PIP4K2A: variants seen among roughly 807,000 people sequenced by gnomAD.
PIP4K2A encodes phosphatidylinositol-5-phosphate 4-kinase type 2 alpha.
In PIP4K2A, 14 loss-of-function variants were observed where a neutral mutation model predicts 42.9. That is an observed-to-expected ratio of 0.33 (90% CI 0.22 to 0.51). PIP4K2A has a LOEUF of 0.51. Among genes scored for constraint, PIP4K2A ranks in the 20% least tolerant of loss-of-function variants. The probability of loss-of-function intolerance (pLI) is 0.97; values close to 1 mark genes in which losing one functional copy is unlikely to be tolerated. For synonymous variants in PIP4K2A, 192 were observed against 192.2 expected, an observed-to-expected ratio of 1.00 and a Z score of 0.01; for missense variants, 434 against 519.8, an observed-to-expected ratio of 0.83 and a Z score of 1.61.
At chr10:22,600,023 G>A (rs1837718932) in intron 3 of PIP4K2A, among the ~76,000 whole-genome samples, 1 of 152,156 alleles carries the variant, frequency 6.6e-6, no homozygotes, top group Non-Finnish European at 1.5e-5. Context: ...GCCCCCAGAA[G>A]GGGGAAGGAA....
At position 22,676,189 on chromosome 10, in the gene PIP4K2A, T is replaced by C. The variant is rs114195957; in HGVS notation, c.144+37994A>G. Reference sequence around the variant, plus strand: ...TCAAAAACTGTGGTCCCAGTAACAGTGCTTTCATTTCCCAAGTTTCTTCTG... The same window carrying C: ...TCAAAAACTGTGGTCCCAGTAACAGCGCTTTCATTTCCCAAGTTTCTTCTG... On this transcript the variant is annotated intron_variant, in intron 1 of 9. Coordinates refer to ENST00000376573, the MANE Select transcript of PIP4K2A (RefSeq NM_005028.5). Among the ~76,000 whole-genome samples, 251 of 152,216 alleles carry C rather than the reference T, an allele frequency of 1.6e-3. 2 individuals carry two copies. The highest frequency in any genetic ancestry group is 5.9e-3 in the African/African-American group (245 of 41,544).
intron 6 of PIP4K2A, among the ~76,000 whole-genome samples, chr10:22,557,279 G>A (rs1480388847): frequency 6.6e-6 from 1 of 152,200 alleles, no homozygotes; most frequent in Non-Finnish European, 1.5e-5. Flanking sequence ...CAAAGGAGAT[G>A]CAGCACTGTT....
intron 1 of PIP4K2A, among the ~76,000 whole-genome samples, chr10:22,661,528 A>T (rs1839205596): frequency 6.6e-6 from 1 of 151,670 alleles, no homozygotes; most frequent in Non-Finnish European, 1.5e-5. Flanking sequence ...GCTAAGTTTT[A>T]AAAAAAATTT....
intron 3 of PIP4K2A, among the ~76,000 whole-genome samples, chr10:22,607,331 A>G (rs1328040126): frequency 6.6e-6 from 1 of 152,132 alleles, no homozygotes; most frequent in East Asian, 1.9e-4. Flanking sequence ...AGCAGTGCAC[A>G]TTTTTACGTG....
chr10:22,682,059 C>T (rs941211146), intron 1 of PIP4K2A, among the ~76,000 whole-genome samples: 3 of 152,064 alleles, frequency 2.0e-5, no homozygotes, highest in Non-Finnish European at 2.9e-5. Context: ...AAACAAGCAG[C>T]GGGCCAGATC....
Position 22,661,491 on chromosome 10 carries a change from G to C in PIP4K2A, c.145-51774C>G, listed in dbSNP as rs369307704. ...CCTGCCTCAGTCTTCTGGGTAGCTG[G>C]ACCACAGGCACGCACCACTGTGCCA... On this transcript the variant is annotated intron_variant, in intron 1 of 9. Transcript: ENST00000376573. 1.2e-4 allele frequency among the ~76,000 whole-genome samples: 18 copies of C among 151,940 alleles called. No homozygotes were observed. In the East Asian group the frequency reaches 3.5e-3, roughly 29 times the overall value.
chr10:22,599,303 C>T (rs1054935177), intron 3 of PIP4K2A, among the ~76,000 whole-genome samples: 1 of 152,196 alleles, frequency 6.6e-6, no homozygotes, highest in African/African-American at 2.4e-5. Flanking sequence ...AACCTATCTG[C>T]AATCACTCCC....
intron 1 of PIP4K2A, among the ~76,000 whole-genome samples, chr10:22,617,080 G>C (rs1239711797): frequency 6.6e-6 from 1 of 152,178 alleles, no homozygotes; most frequent in Non-Finnish European, 1.5e-5. Context: ...CTCAGAAAAG[G>C]TACCTTGATT....
At chr10:22,696,417 T>A (rs1233316347) in intron 1 of PIP4K2A, among the ~76,000 whole-genome samples, 1 of 152,206 alleles carries the variant, frequency 6.6e-6, no homozygotes, top group Non-Finnish European at 1.5e-5. Context: ...CAAATTGAAA[T>A]GAATCCTTAA....
At chr10:22,616,688 C>A (rs1237024698) in intron 1 of PIP4K2A, among the ~76,000 whole-genome samples, 1 of 149,750 alleles carries the variant, frequency 6.7e-6, no homozygotes, top group Non-Finnish European at 1.5e-5. Context: ...CTAAAAGATT[C>A]CTTATTTAAA....
At chr10:22,687,061 T>C (rs1465332920) in intron 1 of PIP4K2A, among the ~76,000 whole-genome samples, 1 of 151,822 alleles carries the variant, frequency 6.6e-6, no homozygotes, top group Non-Finnish European at 1.5e-5. Flanking sequence ...ACATTAAATG[T>C]GATATTCTGA....
chr10:22,546,283 C>T (rs1262724935), intron 7 of PIP4K2A, among the ~76,000 whole-genome samples: 1 of 151,978 alleles, frequency 6.6e-6, no homozygotes, highest in Non-Finnish European at 1.5e-5. Context: ...TTGTAACTGG[C>T]AATGTTTTGA....
chr10:22,648,615 A>T (rs1490183873), intron 1 of PIP4K2A, among the ~76,000 whole-genome samples: 6 of 152,160 alleles, frequency 3.9e-5, no homozygotes, highest in African/African-American at 1.4e-4. Context: ...ACCTTTTCTT[A>T]TGCAGTTTAT....
At chr10:22,549,328 G>C (rs1331672296) in intron 7 of PIP4K2A, among the ~76,000 whole-genome samples, 3 of 151,518 alleles carry the variant, frequency 2.0e-5, no homozygotes, top group Non-Finnish European at 2.9e-5. Flanking sequence ...CACTCATTCT[G>C]TGGCTTTCGT....
At chr10:22,605,257 AAGG>A (rs1837882440) in intron 3 of PIP4K2A, among the ~76,000 whole-genome samples, 1 of 151,916 alleles carries the variant, frequency 6.6e-6, no homozygotes, top group Admixed American at 6.5e-5. Flanking sequence ...GAGCTAAGGA[AAGG>A]AGGAGTGTTC....
At chr10:22,700,909 C>T (rs1833701986) in intron 1 of PIP4K2A, among the ~76,000 whole-genome samples, 1 of 152,152 alleles carries the variant, frequency 6.6e-6, no homozygotes, top group Non-Finnish European at 1.5e-5. Context: ...AGAACATGTC[C>T]ATAAGAATGG....
chr10:22,665,506 A>G (rs1839328689), intron 1 of PIP4K2A, among the ~76,000 whole-genome samples: 1 of 151,498 alleles, frequency 6.6e-6, no homozygotes, highest in Admixed American at 6.6e-5. Context: ...CAGTGGCACT[A>G]TCATGGCTCA....
intron 7 of PIP4K2A, among the ~76,000 whole-genome samples, chr10:22,549,999 T>G (rs149619917): frequency 6.6e-6 from 1 of 152,008 alleles, no homozygotes; most frequent in Middle Eastern, 3.2e-3. Context: ...AAAAGGTACA[T>G]TTTAAATGTT....
At chr10:22,703,436 GGAAA>G (rs1564472565) in intron 1 of PIP4K2A, among the ~76,000 whole-genome samples, 5 of 151,940 alleles carry the variant, frequency 3.3e-5, no homozygotes, top group African/African-American at 1.2e-4. Flanking sequence ...AATAAAAGAG[GGAAA>G]AACATTCCCG....
Sources: gnomAD v4.1 joint callset for allele counts (sites outside exome capture counted in the v4.1 genomes callset) on GRCh38, gnomAD v4.1.1 for gene constraint, MANE v1.5 for transcripts, NCBI Gene and HGNC (gene_info 2026-07-23, HGNC 2026-07-21) for gene names.